The following SERPING1 variants were observed in gnomAD, a reference collection of about 807,000 sequenced individuals.
The protein encoded by SERPING1 is serpin family G member 1.
In SERPING1, 5 loss-of-function variants were observed where a neutral mutation model predicts 34.1. The ratio of observed to expected loss-of-function variants is 0.15; its 90% confidence interval spans 0.08 to 0.31. The LOEUF is 0.31. Ranked by LOEUF, SERPING1 falls within the 10% of genes least tolerant of loss-of-function variation. SERPING1 has a pLI of 1.00. For missense variants in SERPING1, 505 were observed against 609.5 expected, an observed-to-expected ratio of 0.83 and a Z score of 1.81; for synonymous variants, 225 against 242.4, an observed-to-expected ratio of 0.93 and a Z score of 0.67.
At chr11:57,610,154 C>T (rs1945462586) in intron 6 of SERPING1, among the ~76,000 whole-genome samples, 2 of 152,224 alleles carry the variant, frequency 1.3e-5, no homozygotes, top group Admixed American at 6.5e-5. Flanking sequence ...TTAAAAATTA[C>T]AATCACTATT....
Position 57,600,033 on chromosome 11 carries a change from A to G in SERPING1, c.206A>G (p.Asn69Ser), listed in dbSNP as rs1945329565. ...ILEVSSLPTTNSTTNSATKIT... is the reference protein window; with the variant it reads ...ILEVSSLPTTSSTTNSATKIT... ...GAGGTTTCCAGCTTGCCGACAACCA[A>G]CTCAACAACCAATTCAGCCACCAAA... The change falls in exon 3 of 8, where the codon AAC becomes AGC. Residue 69 changes from asparagine to serine, a missense_variant. Physicochemically the swap from Asn to Ser is conservative, Grantham distance 46. Transcript: ENST00000278407. 6.2e-7 allele frequency: 1 copy of G among 1,613,952 alleles called. No homozygotes were observed. The highest frequency in any genetic ancestry group is 1.1e-5 in the South Asian group (1 of 91,078).
intron 7 of SERPING1, 96 bp downstream of exon 7, chr11:57,612,032 T>C (rs1945483532): frequency 9.5e-6 from 10 of 1,052,996 alleles, no homozygotes; most frequent in Non-Finnish European, 1.5e-5. Flanking sequence ...ATTTTTTACA[T>C]CCATAATCTC....
Position 57,600,042 on chromosome 11 carries a change from C to T in SERPING1, c.215C>T (p.Thr72Ile). Residue 72 changes from threonine to isoleucine, a missense_variant, in exon 3 of 8, where the codon ACC becomes ATC. Physicochemically the swap from Thr to Ile is moderately conservative, Grantham distance 89. Coordinates refer to ENST00000278407, the MANE Select transcript of SERPING1 (RefSeq NM_000062.3). Reference protein sequence around the residue: ...VSSLPTTNSTTNSATKITANT... With the variant: ...VSSLPTTNSTINSATKITANT... ...AGCTTGCCGACAACCAACTCAACAA[C>T]CAATTCAGCCACCAAAATAACAGCT... 2 of 1,614,114 alleles carry T rather than the reference C, an allele frequency of 1.2e-6. No homozygotes were observed. The highest frequency in any genetic ancestry group is 2.2e-5 in the East Asian group (1 of 44,866).
chr11:57,608,720 C>T (rs1321841097), intron 6 of SERPING1, among the ~76,000 whole-genome samples: 1 of 151,760 alleles, frequency 6.6e-6, no homozygotes, highest in East Asian at 1.9e-4. Context: ...ACCATGTTGG[C>T]CAGGCTGGTC....
Position 57,606,031 on chromosome 11 carries a change from T to C in SERPING1, c.707T>C (p.Phe236Ser). The C allele has an allele frequency of 6.2e-7, 1 of 1,614,122 alleles. No individual in the cohort carries two copies. The highest frequency in any genetic ancestry group is 8.5e-7 in the Non-Finnish European group (1 of 1,180,014). The change falls in exon 5 of 8, where the codon TTT (phenylalanine) becomes TCT (serine). Residue 236 changes from phenylalanine to serine, a missense_variant. Physicochemically the swap from Phe to Ser is radical, Grantham distance 155. Coordinates refer to ENST00000278407, the MANE Select transcript of SERPING1 (RefSeq NM_000062.3). ...HSPDLAIRDT[F>S]VNASRTLYSS... ...CCAGACCTGGCCATAAGGGACACCT[T>C]TGTGAATGCCTCTCGGACCCTGTAC... is the stretch of plus-strand genomic sequence containing the variant.
intron 4 of SERPING1, 51 bp from the exon 5 acceptor site, chr11:57,605,959 A>G (rs571457416): frequency 6.6e-7 from 1 of 1,526,344 alleles, no homozygotes; most frequent in South Asian, 1.1e-5. Context: ...GTGCTCATGG[A>G]AAGAACGACG....
chr11:57,610,643 T>C (rs1315642219), intron 6 of SERPING1, among the ~76,000 whole-genome samples: 2 of 152,218 alleles, frequency 1.3e-5, no homozygotes, highest in Non-Finnish European at 2.9e-5. Flanking sequence ...TCATATCCTA[T>C]TAGACTAGGG....
intron 6 of SERPING1, among the ~76,000 whole-genome samples, chr11:57,608,445 T>G (rs535401974): frequency 6.6e-6 from 1 of 152,160 alleles, no homozygotes; most frequent in Non-Finnish European, 1.5e-5. Flanking sequence ...TAATAAATAT[T>G]CAAATACAAA....
chr11:57,611,650 G>C, intron 6 of SERPING1, 67 bp from the exon 7 acceptor site: 1 of 1,422,888 alleles, frequency 7.0e-7, no homozygotes, highest in Non-Finnish European at 9.9e-7. Context: ...ACAGCATTGT[G>C]ACAGAGGGTG....
At position 57,612,970 on chromosome 11, in the gene SERPING1, C is replaced by T. The variant is rs371552735; in HGVS notation, c.1249+1034C>T. Among the ~76,000 whole-genome samples the T allele has an allele frequency of 5.3e-5, 8 of 151,418 alleles. No individual in the cohort carries two copies. In the South Asian group the frequency reaches 1.5e-3, roughly 28 times the overall value. On this transcript the variant is annotated intron_variant, in intron 7 of 7. Coordinates refer to ENST00000278407, the MANE Select transcript of SERPING1 (RefSeq NM_000062.3). ...CCATGTTGGTGAAGCTGGTCTTGAA[C>T]TCCTGGGCTCAAGTGATCCACCCAC... is the stretch of plus-strand genomic sequence containing the variant.
intron 3 of SERPING1, among the ~76,000 whole-genome samples, chr11:57,600,645 A>G (rs1945338089): frequency 6.6e-6 from 1 of 152,180 alleles, no homozygotes; most frequent in South Asian, 2.1e-4. Context: ...GTTTCATGGC[A>G]AGGAGAGGTG....
chr11:57,611,844 T>G lies in SERPING1; in HGVS notation c.1157T>G (p.Leu386Arg), dbSNP rs772683510. Reference sequence around the variant, plus strand: ...GTTTTCAAGGCCATCATGGAGAAACTGGAGATGTCCAAGTTCCAGCCCACT... The same window carrying G: ...GTTTTCAAGGCCATCATGGAGAAACGGGAGATGTCCAAGTTCCAGCCCACT... ...PSVFKAIMEK[L>R]EMSKFQPTLL... is the part of the protein sequence containing the mutation. The change falls in exon 7 of 8, where the codon CTG (leucine) becomes CGG (arginine). Residue 386 changes from leucine to arginine, a missense_variant. By Grantham distance (102) the Leu-to-Arg change is moderately radical. Coordinates refer to ENST00000278407, the MANE Select transcript of SERPING1 (RefSeq NM_000062.3). 10 of 1,614,050 alleles carry G rather than the reference T, an allele frequency of 6.2e-6. No homozygotes were observed. In the Middle Eastern group the frequency reaches 8.2e-4, roughly 133 times the overall value.
Position 57,614,770 on chromosome 11 carries a change from A to G in SERPING1, c.*189A>G, listed in dbSNP as rs2135328662. The G allele has an allele frequency of 6.3e-6, 4 of 639,832 alleles. No individual in the cohort carries two copies. The highest frequency in any genetic ancestry group is 8.0e-6 in the Non-Finnish European group (3 of 376,628). The allele number at this position is 639,832 out of a possible 1,614,324, so 39.6% of individuals were successfully genotyped here. A position where few individuals can be genotyped will look rare whatever the true frequency, so the allele number is the denominator to read the frequency against. ...ATTAGCCCTTCTCCATGGCCCTGCC[A>G]TGCTCTCCAAACCACTTTTTGCAGC... On this transcript the variant is annotated 3_prime_UTR_variant, in exon 8 of 8. Transcript: ENST00000278407.
chr11:57,606,945 G>C (rs1945416690), intron 6 of SERPING1: 2 of 409,146 alleles, frequency 4.9e-6, no homozygotes, highest in Admixed American at 6.2e-5. Flanking sequence ...GTATATCCTT[G>C]TATATGCATA....
Position 57,614,640 on chromosome 11 carries a change from GC to G in SERPING1, c.*62del, listed in dbSNP as rs1357912766. ...TCTCCAGCCTCAGCTCTCAGTTGCA[GC>G]CCTGCTGCTGCCTGCCTGGACTTGG... On this transcript the variant is annotated 3_prime_UTR_variant, in exon 8 of 8. Coordinates refer to ENST00000278407, the MANE Select transcript of SERPING1 (RefSeq NM_000062.3). 4 of 1,585,882 alleles carry G rather than the reference GC, an allele frequency of 2.5e-6. No homozygotes were observed. In the African/African-American group the frequency reaches 5.4e-5, roughly 21 times the overall value.
intron 2 of SERPING1, 43 bp downstream of exon 2, chr11:57,598,364 G>C: frequency 6.5e-7 from 1 of 1,535,400 alleles, no homozygotes; most frequent in South Asian, 1.2e-5. Context: ...GTGGAGACGG[G>C]AGGCGGGATG....
chr11:57,611,971 A>G, intron 7 of SERPING1, 35 bp downstream of exon 7: 1 of 1,535,484 alleles, frequency 6.5e-7, no homozygotes, highest in Middle Eastern at 2.0e-4. Flanking sequence ...CTCCCAGGCC[A>G]TCAGAGGAGA....
chr11:57,614,707 A>C lies in SERPING1; in HGVS notation c.*126A>C. 3 of 1,153,304 alleles carry C rather than the reference A, an allele frequency of 2.6e-6. No homozygotes were observed. The highest frequency in any genetic ancestry group is 2.4e-6 in the Non-Finnish European group (2 of 818,656). 71.4% of individuals were successfully genotyped at this position (1,153,304 alleles called of 1,614,324 possible). A position where few individuals can be genotyped will look rare whatever the true frequency, so the allele number is the denominator to read the frequency against. The stretch of plus-strand genomic sequence containing the variant: ...GCCTCAGGTGTCCGCTATCCACCAA[A>C]AGGGCTCCCTGAGGGTCTGGGCAAG... On this transcript the variant is annotated 3_prime_UTR_variant, in exon 8 of 8. Coordinates refer to ENST00000278407, the MANE Select transcript of SERPING1 (RefSeq NM_000062.3).
intron 6 of SERPING1, 200 bp from the exon 7 acceptor site, chr11:57,611,517 T>C: frequency 1.6e-6 from 1 of 619,800 alleles, no homozygotes; most frequent in Non-Finnish European, 2.9e-6. Context: ...CCTCTACCTC[T>C]CCCCAGCACA....
Sources: gnomAD v4.1 joint callset for allele counts (sites outside exome capture counted in the v4.1 genomes callset) on GRCh38, gnomAD v4.1.1 for gene constraint, MANE v1.5 for transcripts, NCBI Gene and HGNC (gene_info 2026-07-23, HGNC 2026-07-21) for gene names.